DST: variants seen among roughly 807,000 people sequenced by gnomAD.
DST encodes dystonin.
A neutral mutation model predicts 875.2 loss-of-function variants in DST; 253 were observed. The ratio of observed to expected loss-of-function variants is 0.29; its 90% CI spans 0.26 to 0.32. The LOEUF (loss-of-function observed/expected upper bound fraction) is 0.32, where lower values mean the gene tolerates loss of function less well. DST is among the 10% of genes least tolerant of loss of function. The probability of loss-of-function intolerance (pLI) is 1.00; values close to 1 mark genes in which losing one functional copy is unlikely to be tolerated. For synonymous variants in DST, 3,124 were observed against 3,197.1 expected (o/e 0.98, Z 0.77); for missense variants, 8,287 against 9,111.6 (o/e 0.91, Z 3.68).
intron 63 of DST, among the ~76,000 whole-genome samples, chr6:56,533,768 G>A (rs2096940936): frequency 6.6e-6 from 1 of 152,100 alleles, no homozygotes; most frequent in Non-Finnish European, 1.5e-5. Flanking sequence ...CCAGTTATGT[G>A]TCCTTAATCC....
intron 25 of DST, 87 bp from the exon 26 acceptor site, chr6:56,634,703 G>A: frequency 6.2e-7 from 1 of 1,603,826 alleles, no homozygotes; most frequent in Non-Finnish European, 8.5e-7. Flanking sequence ...TTTGTTTTAT[G>A]AGGCGGGAAA....
chr6:56,481,980 T>A (rs185065371), intron 90 of DST, 70 bp downstream of exon 90: 1 of 1,499,024 alleles, frequency 6.7e-7, no homozygotes, highest in Admixed American at 1.9e-5. Context: ...TTGATATTTG[T>A]AATCCCGAGT....
chr6:56,836,863 A>C (rs1323469574), intron 4 of DST, among the ~76,000 whole-genome samples: 2 of 146,190 alleles, frequency 1.4e-5, no homozygotes, highest in Non-Finnish European at 3.1e-5. Flanking sequence ...AAAAAAAAAA[A>C]GAAAGAAAAA....
chr6:56,841,738 T>G (rs1473404998), intron 4 of DST, among the ~76,000 whole-genome samples: 1 of 152,188 alleles, frequency 6.6e-6, no homozygotes, highest in South Asian at 2.1e-4. Flanking sequence ...TGGTCTATAT[T>G]GCAATATTTC....
intron 97 of DST, 121 bp from the exon 98 acceptor site, chr6:56,469,120 G>T: frequency 1.7e-6 from 1 of 596,840 alleles, no homozygotes; most frequent in Non-Finnish European, 2.7e-6. Context: ...CTAGTTTAGA[G>T]ATGTGCAGGC....
intron 4 of DST, among the ~76,000 whole-genome samples, chr6:56,838,304 T>C (rs1016702603): frequency 2.0e-5 from 3 of 152,206 alleles, no homozygotes; most frequent in African/African-American, 7.2e-5. Flanking sequence ...ATCACCTCTA[T>C]AGCTTCAGAT....
intron 4 of DST, among the ~76,000 whole-genome samples, chr6:56,780,427 G>A (rs2099690740): frequency 6.6e-6 from 1 of 151,392 alleles, no homozygotes; most frequent in Non-Finnish European, 1.5e-5. Context: ...TCTAACTGGT[G>A]TGAGATGGTA....
intron 4 of DST, among the ~76,000 whole-genome samples, chr6:56,780,866 C>T (rs1390363796): frequency 3.3e-5 from 5 of 152,026 alleles, no homozygotes; most frequent in Admixed American, 2.6e-4. Flanking sequence ...TTAGATCTAA[C>T]GTTTAAGTCT....
intron 5 of DST, among the ~76,000 whole-genome samples, chr6:56,733,826 G>A (rs1034661528): frequency 1.3e-4 from 20 of 151,844 alleles, no homozygotes; most frequent in African/African-American, 4.8e-4. Flanking sequence ...ACTGTCCAAA[G>A]GAATAGGACA....
At chr6:56,531,310 A>G (rs916060851) in intron 64 of DST, among the ~76,000 whole-genome samples, 3 of 152,166 alleles carry the variant, frequency 2.0e-5, no homozygotes, top group African/African-American at 7.2e-5. Flanking sequence ...CTCTGTGAAG[A>G]AAGTTTTAGG....
intron 14 of DST, 25 bp downstream of exon 14, chr6:56,646,062 C>G (rs1406780626): frequency 2.6e-6 from 4 of 1,566,026 alleles, no homozygotes; most frequent in Non-Finnish European, 2.6e-6. Context: ...CTATGCTTGA[C>G]AATACAAAGC....
chr6:56,844,874 A>G (rs1184759424), intron 4 of DST, among the ~76,000 whole-genome samples: 1 of 151,774 alleles, frequency 6.6e-6, no homozygotes, highest in Non-Finnish European at 1.5e-5. Context: ...TCCGTCTCAA[A>G]AAAAAAAAAA....
At chr6:56,602,811 T>C in intron 43 of DST, 71 bp downstream of exon 43, 1 of 1,188,390 alleles carries the variant, frequency 8.4e-7, no homozygotes, top group Non-Finnish European at 1.1e-6. Flanking sequence ...AGTCATATTT[T>C]CTAAACACTT....
chr6:56,637,258 TA>T (rs1343370575), intron 22 of DST, among the ~76,000 whole-genome samples: 1 of 152,130 alleles, frequency 6.6e-6, no homozygotes, highest in African/African-American at 2.4e-5. Flanking sequence ...AATTTCTTAT[TA>T]AAATATAAGA....
chr6:56,774,110 T>C (rs1304241689), intron 4 of DST, among the ~76,000 whole-genome samples: 4 of 89,566 alleles, frequency 4.5e-5, no homozygotes, highest in Non-Finnish European at 6.6e-5. Flanking sequence ...TGAGATTCTG[T>C]CTCAAAAAAA....
At chr6:56,558,905 T>A (rs1192549834) in intron 58 of DST, among the ~76,000 whole-genome samples, 1 of 152,028 alleles carries the variant, frequency 6.6e-6, no homozygotes, top group Non-Finnish European at 1.5e-5. Flanking sequence ...TCCATTGGAT[T>A]TACCCTCTGC....
chr6:56,511,124 A>C (rs1189511151), intron 73 of DST, 73 bp downstream of exon 73: 11 of 1,289,320 alleles, frequency 8.5e-6, no homozygotes, highest in Non-Finnish European at 2.1e-6. Context: ...TTTAATCAGG[A>C]AATCCAGGAA....
intron 53 of DST, among the ~76,000 whole-genome samples, chr6:56,571,283 A>C (rs2097777395): frequency 6.6e-6 from 1 of 152,196 alleles, no homozygotes; most frequent in South Asian, 2.1e-4. Flanking sequence ...TTAAAGTTGG[A>C]CCCATTTGAA....
chr6:56,948,799 A>C (rs904159560), intron 2 of DST, among the ~76,000 whole-genome samples: 2 of 152,224 alleles, frequency 1.3e-5, no homozygotes, highest in African/African-American at 4.8e-5. Context: ...ATTTACGCTA[A>C]TGATGCTTTT....
Sources: gnomAD v4.1 joint callset for allele counts (sites outside exome capture counted in the v4.1 genomes callset) on GRCh38, gnomAD v4.1.1 for gene constraint, MANE v1.5 for transcripts, NCBI Gene and HGNC (gene_info 2026-07-23, HGNC 2026-07-21) for gene names.